MAN1B1: variants seen among roughly 807,000 people sequenced by gnomAD.
The protein encoded by MAN1B1 is mannosidase alpha class 1B member 1, also known as endoplasmic reticulum mannosyl-oligosaccharide 1,2-alpha-mannosidase.
A neutral mutation model predicts 75.5 loss-of-function variants in MAN1B1; 66 were observed. The ratio of observed to expected loss-of-function variants is 0.87; its 90% CI spans 0.72 to 1.07. The LOEUF is 1.07. Among genes scored for constraint, MAN1B1 ranks in the 50% least tolerant of loss-of-function variants. The pLI is 0.00. For synonymous variants in MAN1B1, 453 were observed against 382.8 expected (o/e 1.18, Z -2.14); for missense variants, 973 against 912.5 (o/e 1.07, Z -0.85).
chr9:137,096,027 T>G (rs1334062141), intron 3 of MAN1B1, among the ~76,000 whole-genome samples: 2 of 152,204 alleles, frequency 1.3e-5, no homozygotes, highest in Admixed American at 6.5e-5. Flanking sequence ...GCGTTTTGTC[T>G]GGGGCCGTTT....
At chr9:137,094,087 T>G (rs904847876) in intron 3 of MAN1B1, among the ~76,000 whole-genome samples, 4 of 149,616 alleles carry the variant, frequency 2.7e-5, no homozygotes, top group Admixed American at 2.7e-4. Flanking sequence ...CAATCTCCAC[T>G]CACTGCAACC....
intron 9 of MAN1B1, 183 bp from the exon 10 acceptor site, chr9:137,106,506 G>A (rs1831112562): frequency 2.0e-6 from 2 of 1,021,518 alleles, no homozygotes; most frequent in Admixed American, 4.2e-5. Flanking sequence ...CTCTCACCGT[G>A]GCCTCTGGGG....
At chr9:137,093,300 C>T (rs1830564074) in intron 3 of MAN1B1, among the ~76,000 whole-genome samples, 1 of 151,892 alleles carries the variant, frequency 6.6e-6, no homozygotes, top group Non-Finnish European at 1.5e-5. Flanking sequence ...AGGCTGAGGC[C>T]TGAACTGGGA....
At chr9:137,102,697 G>T (rs1830895090) in intron 8 of MAN1B1, 1 of 446,888 alleles carries the variant, frequency 2.2e-6, no homozygotes, top group Non-Finnish European at 4.4e-6. Flanking sequence ...CAGACATGCA[G>T]GTCGGTGCTG....
chr9:137,107,155 C>T (rs1295487891), intron 10 of MAN1B1, 95 bp from the exon 11 acceptor site: 41 of 1,355,306 alleles, frequency 3.0e-5, no homozygotes, highest in Admixed American at 4.0e-5. Context: ...GTACCAGGGC[C>T]GAGGCAGCGC....
At chr9:137,087,477 C>T (rs1179188858) in intron 1 of MAN1B1, 2 of 673,388 alleles carry the variant, frequency 3.0e-6, no homozygotes, top group Non-Finnish European at 5.4e-6. Flanking sequence ...GTTTTCTGGG[C>T]TTCGTTCGCT....
chr9:137,103,328 GGT>G (rs1241183567), intron 8 of MAN1B1: 3 of 445,468 alleles, frequency 6.7e-6, no homozygotes, highest in Non-Finnish European at 1.3e-5. Context: ...GCAGGTCGGT[GGT>G]GTTACACATT....
intron 3 of MAN1B1, among the ~76,000 whole-genome samples, chr9:137,095,413 A>G (rs1025058142): frequency 6.6e-6 from 1 of 151,928 alleles, no homozygotes; most frequent in Non-Finnish European, 1.5e-5. Context: ...ATCCATCAGT[A>G]AAGAAGTACA....
rs1158294918 is a variant in MAN1B1 at position 137,097,808 on chromosome 9, CCCTT to C, written c.621-14_621-11del. ...CACAAATGTTTGACGGCAGCTGACA[CCCTT>C]CCTTCTCCCCCGAAGCTGGAGGGGA... On this transcript the variant is annotated splice_polypyrimidine_tract_variant and intron_variant, in intron 4 of 12. Transcript: ENST00000371589. 1 of 1,528,944 alleles carries C rather than the reference CCCTT, an allele frequency of 6.5e-7. No individual in the cohort carries two copies. Among genetic ancestry groups the C allele is most frequent in the African/African-American group, 1.4e-5 (1 of 72,598 alleles). 94.7% of individuals were successfully genotyped at this position (1,528,944 alleles called of 1,614,324 possible). A position where few individuals can be genotyped will look rare whatever the true frequency, so the allele number is the denominator to read the frequency against.
In MAN1B1 at chr9:137,108,640, C is replaced by T. The variant is rs1831204639; in HGVS notation, c.*49C>T. ...ACTTCGGGTGGGCAGAGGCACCTTG[C>T]TGGGTCTGTGGCATTTTCCAAGGGC... On this transcript the variant is annotated 3_prime_UTR_variant, in exon 13 of 13. Coordinates refer to ENST00000371589, the MANE Select transcript of MAN1B1 (RefSeq NM_016219.5). The T allele has an allele frequency of 2.5e-6, 4 of 1,574,130 alleles. No individual in the cohort carries two copies. Among genetic ancestry groups the T allele is most frequent in the Non-Finnish European group, 3.5e-6 (4 of 1,144,584 alleles).
At position 137,107,570 on chromosome 9, in the gene MAN1B1, G is replaced by A. The variant is rs1831159822; in HGVS notation, c.1804G>A (p.Glu602Lys). ...RHNLLRPETV[E>K]SLFYLYRVTG... is the part of the protein sequence containing the mutation. ...CAACCTGCTGCGGCCAGAGACCGTG[G>A]AGAGCCTGTTCTACCTGTACCGCGT... Residue 602 changes from glutamate (E) to lysine (K), a missense_variant, in exon 12 of 13, where the codon GAG becomes AAG. Glu to Lys is a moderately conservative substitution (Grantham distance 56). Coordinates refer to ENST00000371589, the MANE Select transcript of MAN1B1 (RefSeq NM_016219.5). 6.8e-6 allele frequency: 11 copies of A among 1,612,662 alleles called. No individual in the cohort carries two copies. Among genetic ancestry groups the A allele is most frequent in the Non-Finnish European group, 8.5e-6 (10 of 1,179,978 alleles).
intron 5 of MAN1B1, among the ~76,000 whole-genome samples, chr9:137,098,754 C>T (rs574899164): frequency 6.6e-6 from 1 of 152,182 alleles, no homozygotes; most frequent in African/African-American, 2.4e-5. Flanking sequence ...ACTTGTAATC[C>T]CAGCACTTTG....
chr9:137,108,667 C>G lies in MAN1B1; in HGVS notation c.*76C>G. ...GGGTCTGTGGCATTTTCCAAGGGCC[C>G]ACGTAGCACCGGCAACCGCCAAGTG... On this transcript the variant is annotated 3_prime_UTR_variant, in exon 13 of 13. Transcript: ENST00000371589. 1.4e-6 allele frequency: 2 copies of G among 1,404,436 alleles called. No individual in the cohort carries two copies. Among genetic ancestry groups the G allele is most frequent in the Non-Finnish European group, 2.0e-6 (2 of 992,126 alleles). 87.0% of individuals were successfully genotyped at this position (1,404,436 alleles called of 1,614,324 possible).
At chr9:137,088,429 A>G (rs1830436579) in intron 2 of MAN1B1, 1 of 1,552,470 alleles carries the variant, frequency 6.4e-7, no homozygotes. Flanking sequence ...CCTCCCTTAT[A>G]GAGTAAGTCA....
intron 8 of MAN1B1, chr9:137,103,306 T>C: frequency 2.3e-6 from 1 of 436,916 alleles, no homozygotes; most frequent in South Asian, 1.6e-5. Flanking sequence ...ACATTCATGC[T>C]GTTGCAGGCG....
At chr9:137,094,451 A>G in intron 3 of MAN1B1, 2 of 452,996 alleles carry the variant, frequency 4.4e-6, no homozygotes, top group Non-Finnish European at 8.9e-6. Context: ...AAGAGACTAG[A>G]GAAACACAGT....
chr9:137,101,530 A>G lies in MAN1B1; in HGVS notation c.1112A>G (p.Lys371Arg), dbSNP rs765389465. The G allele has an allele frequency of 2.0e-5, 32 of 1,613,828 alleles. No individual in the cohort carries two copies. The highest frequency in any genetic ancestry group is 2.5e-5 in the Non-Finnish European group (30 of 1,180,050). Residue 371 changes from lysine to arginine, a missense_variant, in exon 8 of 13, where the codon AAG becomes AGG. By Grantham distance (26) the Lys-to-Arg change is conservative. Transcript: ENST00000371589. The stretch of plus-strand genomic sequence containing the variant: ...ATGCCTGCCTTCAGAACACCATCCA[A>G]GATTCCTTACTCGGATGTGAACATC... ...RLMPAFRTPS[K>R]IPYSDVNIGT...
At chr9:137,091,864 C>T (rs1830526586) in intron 3 of MAN1B1, among the ~76,000 whole-genome samples, 1 of 152,066 alleles carries the variant, frequency 6.6e-6, no homozygotes, top group South Asian at 2.1e-4. Context: ...CACTATGTTG[C>T]CCAGACTGGT....
At chr9:137,102,589 G>A in intron 8 of MAN1B1, 1 of 415,778 alleles carries the variant, frequency 2.4e-6, no homozygotes, top group Non-Finnish European at 4.7e-6. Flanking sequence ...GGTCGGTGCT[G>A]TTACATTCAC....
Sources: allele counts gnomAD v4.1 joint callset (sites outside exome capture counted in the v4.1 genomes callset), GRCh38; gene constraint gnomAD v4.1.1; transcripts MANE v1.5; gene names NCBI Gene and HGNC (gene_info 2026-07-23, HGNC 2026-07-21).